LPCAT1: variants seen among roughly 807,000 people sequenced by gnomAD.
LPCAT1 encodes the protein 1-acylglycerol-3-phosphate O-acyltransferase.
A neutral mutation model predicts 60.9 loss-of-function variants in LPCAT1; 23 were observed. The observed-to-expected ratio is 0.38, with a 90% confidence interval of 0.27 to 0.53. LPCAT1 has a LOEUF of 0.53. Ranked by LOEUF, LPCAT1 falls within the 20% of genes least tolerant of loss-of-function variation. The pLI, the probability that LPCAT1 is intolerant of heterozygous loss-of-function variation, is 0.82. For synonymous variants in LPCAT1, 340 were observed against 301.1 expected (o/e 1.13, Z -1.34); for missense variants, 622 against 723.6 (o/e 0.86, Z 1.61).
Position 1,509,263 on chromosome 5 carries a change from G to C in LPCAT1, c.136-7660C>G, listed in dbSNP as rs556450948. ...CTCTACGGTTAGCGCGGTGGAGGCA[G>C]CTCACAGGAATGCTCCCTCCTGAAG... On this transcript the variant is annotated intron_variant, in intron 1 of 13. Transcript: ENST00000283415. 2.0e-5 allele frequency among the ~76,000 whole-genome samples: 3 copies of C among 152,384 alleles called. No individual in the cohort carries two copies. The South Asian group carries it at 6.2e-4, about 32-fold the overall frequency.
intron 1 of LPCAT1, among the ~76,000 whole-genome samples, chr5:1,518,009 G>A (rs566220007): frequency 1.3e-5 from 2 of 152,388 alleles, no homozygotes; most frequent in South Asian, 4.1e-4. Flanking sequence ...CATTTGCAAA[G>A]TCTGATGACG....
intron 11 of LPCAT1, 89 bp downstream of exon 11, chr5:1,473,868 A>G: frequency 6.7e-7 from 1 of 1,485,184 alleles, no homozygotes; most frequent in Non-Finnish European, 9.1e-7. Context: ...ATTCATGTGA[A>G]AATATATTTA....
intron 4 of LPCAT1, among the ~76,000 whole-genome samples, chr5:1,489,158 G>A (rs1274414811): frequency 6.6e-6 from 1 of 152,238 alleles, no homozygotes. Flanking sequence ...TGTGGGGGCA[G>A]AGCTGGGGCA....
At chr5:1,468,082 G>A (rs1220230414) in intron 12 of LPCAT1, among the ~76,000 whole-genome samples, 1 of 152,154 alleles carries the variant, frequency 6.6e-6, no homozygotes, top group Non-Finnish European at 1.5e-5. Flanking sequence ...GGTGCTCAGG[G>A]AAGAAACGCT....
At chr5:1,485,747 T>C (rs560183181) in intron 5 of LPCAT1, among the ~76,000 whole-genome samples, 8 of 149,922 alleles carry the variant, frequency 5.3e-5, no homozygotes, top group African/African-American at 1.5e-4. Flanking sequence ...ACATCCATGT[T>C]TGCTCACAGC....
rs578249041 is a variant in LPCAT1, at chr5:1,494,713, G to T, written c.480C>A (p.Ile160=). Residue 160 remains isoleucine, a synonymous_variant, in exon 3 of 14, where the codon ATC becomes ATA. Coordinates refer to ENST00000283415, the MANE Select transcript of LPCAT1 (RefSeq NM_024830.5). ...SIVMKAESRD[I]PIWGTLIQYI... ...TGTCTCACTCACTTCCCCAGATCGGGATGTCTCTGCTCTCTGCCTTCATCA... is the reference window on the plus strand; with the variant it reads ...TGTCTCACTCACTTCCCCAGATCGGTATGTCTCTGCTCTCTGCCTTCATCA... 1.2e-5 allele frequency: 19 copies of T among 1,614,148 alleles called. No individual in the cohort carries two copies. The highest frequency in any genetic ancestry group is 1.4e-5 in the Non-Finnish European group (17 of 1,179,976).
At chr5:1,510,615 A>C (rs903769210) in intron 1 of LPCAT1, 1 of 152,234 alleles carries the variant, frequency 6.6e-6, no homozygotes, top group Non-Finnish European at 1.5e-5. Flanking sequence ...CCATGTCTAA[A>C]CCACGACACC....
rs1290058486 is a variant in LPCAT1, at chr5:1,521,923, G to A, written c.135+1787C>T. ...CATGAGAGTCTCTGCCCTGCTTCTC[G>A]CCAGGGCAGTGGGTGCACACTTTTG... On this transcript the variant is annotated intron_variant, in intron 1 of 13. Transcript: ENST00000283415. This position sits in a 1 kb window ranked among gnomAD's most constrained non-coding sequence, Gnocchi z 4.3. Among the ~76,000 whole-genome samples the A allele has an allele frequency of 6.6e-6, 1 of 152,176 alleles. No individual in the cohort carries two copies. The highest frequency in any genetic ancestry group is 1.5e-5 in the Non-Finnish European group (1 of 68,036).
intron 2 of LPCAT1, among the ~76,000 whole-genome samples, chr5:1,500,500 A>G (rs1735964704): frequency 6.6e-6 from 1 of 152,130 alleles, no homozygotes; most frequent in Admixed American, 6.5e-5. Flanking sequence ...GTTTAGGTCC[A>G]CAAAGCAAGG....
chr5:1,497,826 A>T (rs962750563), intron 2 of LPCAT1, among the ~76,000 whole-genome samples: 7 of 152,302 alleles, frequency 4.6e-5, no homozygotes, highest in Admixed American at 4.6e-4. Context: ...GTTCCCACAC[A>T]GAGCATTCAG....
chr5:1,495,647 C>T lies in LPCAT1; in HGVS notation c.279-733G>A, dbSNP rs945251816. 1.1e-4 allele frequency among the ~76,000 whole-genome samples: 17 copies of T among 152,306 alleles called. No homozygotes were observed. The highest frequency in any genetic ancestry group is 2.1e-4 in the South Asian group (1 of 4,824). On this transcript the variant is annotated intron_variant, in intron 2 of 13. Coordinates refer to ENST00000283415, the MANE Select transcript of LPCAT1 (RefSeq NM_024830.5). The surrounding 1 kb of genome is among the most constrained non-coding windows in gnomAD (Gnocchi z 4.7). ...CCTCAGGGAATTGACACGCAGCAGA[C>T]AGCCACGGTGTGTGAGAAGCCACAG...
rs571447409 is a variant in LPCAT1 at position 1,491,593 on chromosome 5, A to G, written c.494-1735T>C. 1.5e-3 allele frequency among the ~76,000 whole-genome samples: 229 copies of G among 152,236 alleles called. 1 individual carries two copies. The highest frequency in any genetic ancestry group is 4.3e-4 in the Non-Finnish European group (29 of 68,014). ...CTTTCACGCTGAGAACTGGGCAGTG[A>G]GGACAGCAAGGAGATGCAGCTCCTC... On this transcript the variant is annotated intron_variant, in intron 3 of 13. Transcript: ENST00000283415.
chr5:1,475,808 G>A (rs1436441789), intron 9 of LPCAT1, among the ~76,000 whole-genome samples: 2 of 102,226 alleles, frequency 2.0e-5, no homozygotes, highest in Admixed American at 9.0e-5. Flanking sequence ...CACTCCGAGT[G>A]GGGCTGCACG....
At position 1,522,515 on chromosome 5, in the gene LPCAT1, G is replaced by A. The variant is rs1165188262; in HGVS notation, c.135+1195C>T. Among the ~76,000 whole-genome samples, 1 of 152,160 alleles carries A rather than the reference G, an allele frequency of 6.6e-6. No individual in the cohort carries two copies. Among genetic ancestry groups the A allele is most frequent in the Non-Finnish European group, 1.5e-5 (1 of 68,020 alleles). ...ACCTCACCCTGTGTGTCACCAGGAG[G>A]GGCGGCACCATCGGGCTCTCCTGCT... is the stretch of plus-strand genomic sequence containing the variant. On this transcript the variant is annotated intron_variant, in intron 1 of 13. Transcript: ENST00000283415. The surrounding 1 kb of genome is among the most constrained non-coding windows in gnomAD (Gnocchi z 6.8).
At chr5:1,492,329 GCCTGGGGAGACGTCTCTGAGCTGGGA>G (rs1735619053) in intron 3 of LPCAT1, among the ~76,000 whole-genome samples, 2 of 148,672 alleles carry the variant, frequency 1.3e-5, no homozygotes, top group Admixed American at 6.7e-5. Context: ...CTGAGCTGGG[GCCTGGGGAGACGTCTCTGAGCTGGGA>G]CCTGGGGAGA....
chr5:1,504,507 G>A lies in LPCAT1; in HGVS notation c.136-2904C>T, dbSNP rs549072612. Among the ~76,000 whole-genome samples the A allele has an allele frequency of 5.9e-5, 9 of 152,282 alleles. No homozygotes were observed. The South Asian group carries it at 6.2e-4, about 11-fold the overall frequency. ...CAAGGTGGGAGGATCGCCTGCGGTCGGGAGTTCGAGACCAGCCTGACCAAC... is the reference window on the plus strand; with the variant it reads ...CAAGGTGGGAGGATCGCCTGCGGTCAGGAGTTCGAGACCAGCCTGACCAAC... On this transcript the variant is annotated intron_variant, in intron 1 of 13. Transcript: ENST00000283415.
At chr5:1,494,643 A>T in intron 3 of LPCAT1, 57 bp downstream of exon 3, 1 of 1,480,064 alleles carries the variant, frequency 6.8e-7, no homozygotes, top group Non-Finnish European at 9.4e-7. Context: ...CAGCAGGGGG[A>T]TCTCTCACTC....
chr5:1,499,195 T>A (rs1735916788), intron 2 of LPCAT1, among the ~76,000 whole-genome samples: 1 of 152,238 alleles, frequency 6.6e-6, no homozygotes, highest in African/African-American at 2.4e-5. Context: ...AGGGTTAGCA[T>A]GGGGAAACGG....
chr5:1,492,470 C>G (rs1003222031), intron 3 of LPCAT1, among the ~76,000 whole-genome samples: 2 of 152,226 alleles, frequency 1.3e-5, no homozygotes, highest in Non-Finnish European at 2.9e-5. Context: ...GACAATGGCC[C>G]TTTCAGGCCA....
Sources: gnomAD v4.1 joint callset for allele counts (sites outside exome capture counted in the v4.1 genomes callset) on GRCh38, gnomAD v4.1.1 for gene constraint, Gnocchi (gnomAD v3.1) non-coding constraint, MANE v1.5 for transcripts, NCBI Gene and HGNC (gene_info 2026-07-23, HGNC 2026-07-21) for gene names.